SEMA6D: variants seen among roughly 807,000 people sequenced by gnomAD.
SEMA6D encodes semaphorin 6D.
Under a neutral mutation model 106.6 loss-of-function variants are expected in SEMA6D, and 35 were observed. The ratio of observed to expected loss-of-function variants is 0.33; its 90% CI spans 0.25 to 0.44. The LOEUF is 0.44. Among genes scored for constraint, SEMA6D ranks in the 20% least tolerant of loss-of-function variants. SEMA6D has a pLI of 1.00. For synonymous variants in SEMA6D, 499 were observed against 487.7 expected, an observed-to-expected ratio of 1.02 and a Z score of -0.31; for missense variants, 1,185 against 1,345.9, an observed-to-expected ratio of 0.88 and a Z score of 1.87.
chr15:47,762,875 TC>T (rs1483267663), intron 8 of SEMA6D, 140 bp from the exon 9 acceptor site: 1 of 603,532 alleles, frequency 1.7e-6, no homozygotes. Context: ...ATATTGGGAC[TC>T]CTCAAAGTCA....
At chr15:47,768,102 G>A (rs111509742) in intron 17 of SEMA6D, among the ~76,000 whole-genome samples, 6 of 152,092 alleles carry the variant, frequency 3.9e-5, no homozygotes, top group African/African-American at 9.7e-5. Flanking sequence ...GGTTTGTCAC[G>A]TCCAAAATCA....
At chr15:47,292,628 T>A (rs2035634976) in intron 1 of SEMA6D, among the ~76,000 whole-genome samples, 2 of 151,832 alleles carry the variant, frequency 1.3e-5, no homozygotes, top group Admixed American at 1.3e-4. Flanking sequence ...GCCAAGGAGG[T>A]CTTGGATTTC....
intron 1 of SEMA6D, among the ~76,000 whole-genome samples, chr15:47,748,630 C>T (rs897777647): frequency 6.6e-6 from 1 of 152,078 alleles, no homozygotes; most frequent in Non-Finnish European, 1.5e-5. Context: ...TCAGGAAGGA[C>T]GTTTTAGAAA....
At chr15:47,581,723 A>G (rs748189721) in intron 3 of SEMA6D, among the ~76,000 whole-genome samples, 2 of 152,206 alleles carry the variant, frequency 1.3e-5, no homozygotes, top group Non-Finnish European at 2.9e-5. Flanking sequence ...GACATAGAAG[A>G]ACATTGTAGG....
At chr15:47,630,806 A>G (rs1368284776) in intron 4 of SEMA6D, among the ~76,000 whole-genome samples, 2 of 151,832 alleles carry the variant, frequency 1.3e-5, no homozygotes, top group African/African-American at 4.8e-5. Context: ...AAAATCATAC[A>G]TTGGTATTAG....
At chr15:47,594,579 T>G (rs1274183576) in intron 3 of SEMA6D, among the ~76,000 whole-genome samples, 1 of 152,212 alleles carries the variant, frequency 6.6e-6, no homozygotes, top group Non-Finnish European at 1.5e-5. Flanking sequence ...TTCCAGGACC[T>G]ATACTTTGGG....
chr15:47,584,346 C>T (rs182742876), intron 3 of SEMA6D, among the ~76,000 whole-genome samples: 336 of 152,022 alleles, frequency 2.2e-3, no homozygotes, highest in African/African-American at 7.9e-3. Context: ...TCGCCTGAAC[C>T]CAGGAGGCAG....
intron 3 of SEMA6D, among the ~76,000 whole-genome samples, chr15:47,537,711 G>A (rs998036003): frequency 2.0e-5 from 3 of 152,160 alleles, no homozygotes; most frequent in Non-Finnish European, 2.9e-5. Context: ...GACCAATCAT[G>A]AAGCTTGATG....
At chr15:47,552,792 T>A (rs545740837) in intron 3 of SEMA6D, among the ~76,000 whole-genome samples, 12 of 62,116 alleles carry the variant, frequency 1.9e-4, no homozygotes, top group African/African-American at 8.9e-4. Flanking sequence ...ATATATATTT[T>A]TATATATATA....
chr15:47,555,943 G>A (rs1455883140), intron 3 of SEMA6D, among the ~76,000 whole-genome samples: 3 of 151,986 alleles, frequency 2.0e-5, no homozygotes, highest in Non-Finnish European at 4.4e-5. Flanking sequence ...GGAATAGCTG[G>A]GGGTACTCAT....
At chr15:47,255,185 C>T (rs1016854849) in intron 1 of SEMA6D, among the ~76,000 whole-genome samples, 4 of 151,864 alleles carry the variant, frequency 2.6e-5, no homozygotes, top group African/African-American at 9.7e-5. Context: ...GTTGTATGTG[C>T]CAAGGAACTT....
At chr15:47,336,406 A>T (rs1288475131) in intron 1 of SEMA6D, among the ~76,000 whole-genome samples, 1 of 152,148 alleles carries the variant, frequency 6.6e-6, no homozygotes, top group Non-Finnish European at 1.5e-5. Flanking sequence ...CAAATTCTCC[A>T]CTTGATAATT....
At chr15:47,500,451 A>T (rs2043811761) in intron 3 of SEMA6D, among the ~76,000 whole-genome samples, 1 of 152,172 alleles carries the variant, frequency 6.6e-6, no homozygotes, top group Non-Finnish European at 1.5e-5. Flanking sequence ...ATATGAATTT[A>T]TTCCATACTT....
intron 4 of SEMA6D, among the ~76,000 whole-genome samples, chr15:47,684,532 T>G (rs1357035822): frequency 7.9e-5 from 12 of 152,170 alleles, no homozygotes; most frequent in Non-Finnish European, 1.6e-4. Context: ...AGCTCCATAA[T>G]AGCAGGAAAG....
At chr15:47,756,509 A>AT (rs943297289) in intron 1 of SEMA6D, among the ~76,000 whole-genome samples, 5 of 152,172 alleles carry the variant, frequency 3.3e-5, no homozygotes, top group African/African-American at 1.2e-4. Flanking sequence ...AATTATTCCC[A>AT]TTTTACATTT....
At chr15:47,206,574 G>A (rs1895079387) in intron 1 of SEMA6D, among the ~76,000 whole-genome samples, 1 of 152,034 alleles carries the variant, frequency 6.6e-6, no homozygotes, top group South Asian at 2.1e-4. Context: ...CGTCGCATTT[G>A]CACTACATTT....
chr15:47,429,249 C>G (rs1192064841), intron 2 of SEMA6D, among the ~76,000 whole-genome samples: 2 of 152,100 alleles, frequency 1.3e-5, no homozygotes, highest in African/African-American at 4.8e-5. Flanking sequence ...CTGCTGCTTA[C>G]TACCTGTGTG....
chr15:47,307,108 T>G (rs2036262300), intron 1 of SEMA6D, among the ~76,000 whole-genome samples: 1 of 152,224 alleles, frequency 6.6e-6, no homozygotes, highest in Non-Finnish European at 1.5e-5. Context: ...GGGATAATAA[T>G]AGCATTTATC....
rs1341386191 is a variant in SEMA6D, at chr15:47,256,467, A to C, written c.-239+72049A>C. Among the ~76,000 whole-genome samples, 10 of 152,188 alleles carry C rather than the reference A, an allele frequency of 6.6e-5. No homozygotes were observed. The South Asian group carries it at 2.1e-3, about 32-fold the overall frequency. ...ACTATATATTCTTTGGAGCAGTTAC[A>C]ATTTTTCAAAAATTACAGTTTCCAT... On this transcript the variant is annotated intron_variant, in intron 1 of 19. Transcript: ENST00000558014.
Sources: allele counts gnomAD v4.1 joint callset (sites outside exome capture counted in the v4.1 genomes callset), GRCh38; gene constraint gnomAD v4.1.1; transcripts MANE v1.5; gene names NCBI Gene and HGNC (gene_info 2026-07-23, HGNC 2026-07-21).